Variants in ITIH1 observed in about 807,000 individuals in gnomAD.
The protein encoded by ITIH1 is inter-alpha-trypsin inhibitor heavy chain 1.
ITIH1 carries 94 observed loss-of-function variants against 104.6 expected under a neutral mutation model. That is an observed-to-expected ratio of 0.90 (90% CI 0.76 to 1.07). The LOEUF is 1.07. Ranked by LOEUF, ITIH1 falls within the 50% of genes least tolerant of loss-of-function variation. The pLI, the probability that ITIH1 is intolerant of heterozygous loss-of-function variation, is 0.00. For synonymous variants in ITIH1, 455 were observed against 464.4 expected (o/e 0.98, Z 0.26); for missense variants, 1,193 against 1,181.4 (o/e 1.01, Z -0.14).
Position 52,786,468 on chromosome 3 carries a change from GCCCACCCCAGAGTCCC to G in ITIH1, c.1733+43_1733+58del. 1.3e-6 allele frequency: 2 copies of G among 1,552,878 alleles called. 1 individual carries two copies. The highest frequency in any genetic ancestry group is 2.4e-5 in the South Asian group (2 of 84,344). ...CCTGCAGCTGCCCCAGGTGGGCACT[GCCCACCCCAGAGTCCC>G]CCCACCCCTTGGAGGTGAGCAGAGG... On this transcript the variant is annotated intron_variant, in intron 13 of 21. Coordinates refer to ENST00000273283, the MANE Select transcript of ITIH1 (RefSeq NM_002215.4).
chr3:52,781,209 TTCTTCTTCTTCTTCTTC>T (rs1559461253), intron 6 of ITIH1, among the ~76,000 whole-genome samples: 19 of 14,342 alleles, frequency 1.3e-3, no homozygotes, highest in South Asian at 7.1e-3. Context: ...TTTTTTTTTT[TTCTTCTTCTTCTTCTTC>T]TTCTTCTTCT....
intron 15 of ITIH1, 145 bp from the exon 16 acceptor site, chr3:52,787,447 C>A: frequency 9.6e-7 from 1 of 1,040,276 alleles, no homozygotes; most frequent in Non-Finnish European, 1.5e-6. Context: ...GAGTGTATGT[C>A]TGTGAGGAGG....
chr3:52,790,990 G>A (rs774308291), intron 20 of ITIH1, 69 bp downstream of exon 20: 12 of 1,483,624 alleles, frequency 8.1e-6, no homozygotes, highest in Non-Finnish European at 1.1e-5. Context: ...GGGACCTGGG[G>A]CCACCGGTCA....
chr3:52,780,201 G>C (rs1291660273), intron 5 of ITIH1, 68 bp from the exon 6 acceptor site: 1 of 1,310,746 alleles, frequency 7.6e-7, no homozygotes, highest in Non-Finnish European at 1.1e-6. Context: ...GGAGTTTGAG[G>C]CCAGCCTGGG....
At chr3:52,787,150 C>A in intron 14 of ITIH1, 38 bp from the exon 15 acceptor site, 1 of 1,614,206 alleles carries the variant, frequency 6.2e-7, no homozygotes, top group South Asian at 1.1e-5. Flanking sequence ...CCAAAAACCT[C>A]TGGGGCTCTA....
At position 52,782,981 on chromosome 3, in the gene ITIH1, C is replaced by G. The variant is rs535584496; in HGVS notation, c.955C>G (p.Leu319Val). ...KQTKEALLKI[L>V]GDMQPGDYFD... ...GACCAAGGAGGCACTCCTTAAAATT[C>G]TGGGGGACATGCAGCCAGGGGACTA... Residue 319 changes from leucine (L) to valine (V), a missense_variant, in exon 9 of 22, where the codon CTG becomes GTG. By Grantham distance (32) the Leu-to-Val change is conservative. Coordinates refer to ENST00000273283, the MANE Select transcript of ITIH1 (RefSeq NM_002215.4). The G allele has an allele frequency of 5.8e-5, 93 of 1,614,074 alleles. 2 individuals are homozygous for G. In the South Asian group the frequency reaches 9.9e-4, roughly 17 times the overall value.
chr3:52,787,490 G>A (rs2154108645), intron 15 of ITIH1, 102 bp from the exon 16 acceptor site: 1 of 1,414,258 alleles, frequency 7.1e-7, no homozygotes, highest in Non-Finnish European at 1.0e-6. Context: ...GACCCCCAGA[G>A]GGACGGCTGG....
At position 52,788,018 on chromosome 3, in the gene ITIH1, A is replaced by C; in HGVS notation, c.1957A>C (p.Thr653Pro). 6.2e-7 allele frequency: 1 copy of C among 1,613,336 alleles called. No homozygotes were observed. The highest frequency in any genetic ancestry group is 8.5e-7 in the Non-Finnish European group (1 of 1,179,702). Residue 653 changes from threonine (T) to proline (P), a missense_variant, in exon 17 of 22, where the codon ACT becomes CCT. Thr to Pro is a conservative substitution (Grantham distance 38). Coordinates refer to ENST00000273283, the MANE Select transcript of ITIH1 (RefSeq NM_002215.4). Reference sequence around the variant, plus strand: ...GCTGTCAGCCTTGCAGCCTTCTCCTACTCATTCCAGCTCCAATACCCAGCG... The same window carrying C: ...GCTGTCAGCCTTGCAGCCTTCTCCTCCTCATTCCAGCTCCAATACCCAGCG... ...FVLSALQPSP[T>P]HSSSNTQRLP...
In ITIH1 at chr3:52,788,320, G is replaced by GTACC; in HGVS notation, c.2094_2095insTACC (p.Ser699TyrfsTer29). 6.2e-7 allele frequency: 1 copy of GTACC among 1,608,016 alleles called. No individual in the cohort carries two copies. The highest frequency in any genetic ancestry group is 8.5e-7 in the Non-Finnish European group (1 of 1,177,032). ...TCAATGAGGAGCCTGGTGTTATCCTGAGCCTGGTACAGGACCCCAACACAG... is the reference window on the plus strand; with the variant it reads ...TCAATGAGGAGCCTGGTGTTATCCTGTACCAGCCTGGTACAGGACCCCAACACAG... On this transcript the variant is annotated frameshift_variant, in exon 18 of 22. Coordinates refer to ENST00000273283, the MANE Select transcript of ITIH1 (RefSeq NM_002215.4). LOFTEE classifies it high-confidence loss of function.
chr3:52,786,195 C>G, intron 12 of ITIH1, 100 bp from the exon 13 acceptor site: 1 of 1,194,570 alleles, frequency 8.4e-7, no homozygotes. Flanking sequence ...GAGGACGAAG[C>G]TGCAGATACC....
intron 12 of ITIH1, among the ~76,000 whole-genome samples, 195 bp from the exon 13 acceptor site, chr3:52,786,100 C>T (rs1464767110): frequency 6.6e-6 from 1 of 152,182 alleles, no homozygotes; most frequent in Non-Finnish European, 1.5e-5. Flanking sequence ...CCCTAGGGTC[C>T]AGGCCAAGCC....
Position 52,779,857 on chromosome 3 carries a change from C to A in ITIH1, c.573+263C>A. ...AGTCCCAGGACCGCCACAGGGATCA[C>A]GAGAAGTACTGAATGTCCAGGTAAT... On this transcript the variant is annotated intron_variant, in intron 5 of 21. Transcript: ENST00000273283. This position sits in a 1 kb window ranked among gnomAD's most constrained non-coding sequence, Gnocchi z 4.4. 1 of 1,362,096 alleles carries A rather than the reference C, an allele frequency of 7.3e-7. No individual in the cohort carries two copies. The allele number at this position is 1,362,096 out of a possible 1,614,324, so 84.4% of individuals were successfully genotyped here. A position where few individuals can be genotyped will look rare whatever the true frequency, so the allele number is the denominator to read the frequency against.
Position 52,787,058 on chromosome 3 carries a change from A to C in ITIH1, c.1847A>C (p.Asp616Ala), listed in dbSNP as rs547370997. ...TCCATGAGCATCAGGGGCATGGCGG[A>C]CCAGGACGGCCTGAAGCCCACCATC... ...LTSMSIRGMADQDGLKPTIDK... is the reference protein window; with the variant it reads ...LTSMSIRGMAAQDGLKPTIDK... The change falls in exon 14 of 22, where the codon GAC becomes GCC. Residue 616 changes from aspartate (D) to alanine (A), a missense_variant. Physicochemically the swap from Asp to Ala is moderately radical, Grantham distance 126. Transcript: ENST00000273283. The C allele has an allele frequency of 1.9e-6, 3 of 1,614,140 alleles. No individual in the cohort carries two copies. The highest frequency in any genetic ancestry group is 2.5e-6 in the Non-Finnish European group (3 of 1,180,006).
At chr3:52,780,404 T>G (rs1238586515) in intron 6 of ITIH1, 22 bp downstream of exon 6, 3 of 1,547,678 alleles carry the variant, frequency 1.9e-6, no homozygotes, top group Non-Finnish European at 1.8e-6. Flanking sequence ...AGCAAGGGGG[T>G]GGTGGTGGGC....
rs774504977 is a variant in ITIH1, at chr3:52,779,320, G to A, written c.411-112G>A. The A allele has an allele frequency of 1.3e-5, 16 of 1,206,280 alleles. No homozygotes were observed. Among genetic ancestry groups the A allele is most frequent in the Non-Finnish European group, 1.9e-5 (16 of 829,906 alleles). 74.7% of individuals were successfully genotyped at this position (1,206,280 alleles called of 1,614,324 possible). On this transcript the variant is annotated intron_variant, in intron 4 of 21. Coordinates refer to ENST00000273283, the MANE Select transcript of ITIH1 (RefSeq NM_002215.4). This position sits in a 1 kb window ranked among gnomAD's most constrained non-coding sequence, Gnocchi z 4.4. ...ATTTGTGAGGTCCAGGGAAACCTGGGAGCAACACTCATCTAAGAGAAATAA... is the reference window on the plus strand; with the variant it reads ...ATTTGTGAGGTCCAGGGAAACCTGGAAGCAACACTCATCTAAGAGAAATAA...
In ITIH1 at chr3:52,783,279, C is replaced by T; in HGVS notation, c.1165C>T (p.Pro389Ser). The change falls in exon 10 of 22, where the codon CCA (proline) becomes TCA (serine). Residue 389 changes from proline (P) to serine (S), a missense_variant. Transcript: ENST00000273283. ...CTTGAACCAAGTTCAGGAAAGCCTC[C>T]CAGAACTCAGCAACCATGCCTCAAT... Reference protein sequence around the residue: ...EILNQVQESLPELSNHASILI... With the variant: ...EILNQVQESLSELSNHASILI... The T allele has an allele frequency of 6.2e-7, 1 of 1,614,074 alleles. No individual in the cohort carries two copies. The highest frequency in any genetic ancestry group is 8.5e-7 in the Non-Finnish European group (1 of 1,180,004).
chr3:52,783,911 AG>A (rs1291354312), intron 10 of ITIH1, among the ~76,000 whole-genome samples: 1 of 152,002 alleles, frequency 6.6e-6, no homozygotes, highest in African/African-American at 2.4e-5. Context: ...CCCAGGCAGA[AG>A]AGGCAGCTTA....
At chr3:52,787,850 T>C (rs1559465137) in intron 16 of ITIH1, 136 bp from the exon 17 acceptor site, 21 of 963,064 alleles carry the variant, frequency 2.2e-5, no homozygotes, top group Non-Finnish European at 3.4e-5. Flanking sequence ...ATCAAGGGCA[T>C]GTGATGTTGA....
chr3:52,786,571 T>A, intron 13 of ITIH1, 137 bp downstream of exon 13: 1 of 898,500 alleles, frequency 1.1e-6, no homozygotes, highest in Non-Finnish European at 1.7e-6. Flanking sequence ...CTCACTGAGT[T>A]AATATCAACC....
Sources: gnomAD v4.1 joint callset for allele counts (sites outside exome capture counted in the v4.1 genomes callset) on GRCh38, gnomAD v4.1.1 for gene constraint, Gnocchi (gnomAD v3.1) non-coding constraint, MANE v1.5 for transcripts, NCBI Gene and HGNC (gene_info 2026-07-23, HGNC 2026-07-21) for gene names.